PPFIBP2: variants seen among roughly 807,000 people sequenced by gnomAD.
The protein encoded by PPFIBP2 is PPFIB scaffold protein 2.
Under a neutral mutation model 118.3 loss-of-function variants are expected in PPFIBP2, and 118 were observed. The ratio of observed to expected loss-of-function variants is 1.00; its 90% CI spans 0.86 to 1.16. The LOEUF is 1.16. Ranked by LOEUF, PPFIBP2 falls within the 50% of genes most tolerant of loss-of-function variation. The pLI, the probability that PPFIBP2 is intolerant of heterozygous loss-of-function variation, is 0.00. For missense variants in PPFIBP2, 1,195 were observed against 1,073.1 expected (o/e 1.11, Z -1.59); for synonymous variants, 414 against 397.4 (o/e 1.04, Z -0.50).
chr11:7,652,824 G>T (rs1423290230), intron 23 of PPFIBP2, among the ~76,000 whole-genome samples, 200 bp from the exon 24 acceptor site: 1 of 152,176 alleles, frequency 6.6e-6, no homozygotes, highest in Non-Finnish European at 1.5e-5. Context: ...AGCTCTTATT[G>T]TTCAAGATTA....
At chr11:7,559,507 G>T (rs1310651425) in intron 2 of PPFIBP2, among the ~76,000 whole-genome samples, 1 of 152,082 alleles carries the variant, frequency 6.6e-6, no homozygotes, top group Non-Finnish European at 1.5e-5. Flanking sequence ...TCTGGTTTGG[G>T]ATTTCGGTAG....
intron 7 of PPFIBP2, among the ~76,000 whole-genome samples, chr11:7,624,699 A>T (rs1426352771): frequency 2.0e-5 from 3 of 152,258 alleles, no homozygotes; most frequent in Admixed American, 1.3e-4. Context: ...ATTATCCACA[A>T]AGAAAAGAAT....
At chr11:7,545,144 C>G (rs1254507949) in intron 1 of PPFIBP2, among the ~76,000 whole-genome samples, 2 of 151,968 alleles carry the variant, frequency 1.3e-5, no homozygotes, top group African/African-American at 2.4e-5. Flanking sequence ...TTGAAAGAGA[C>G]AGGGCCAGGC....
downstream of PPFIBP2, among the ~76,000 whole-genome samples, chr11:7,657,297 T>C (rs1854767696): frequency 6.6e-6 from 1 of 152,220 alleles, no homozygotes; most frequent in East Asian, 1.9e-4. Context: ...TTCTTGGGAC[T>C]GTGGCTGGGC....
intron 3 of PPFIBP2, among the ~76,000 whole-genome samples, chr11:7,568,219 T>C (rs1235863401): frequency 6.6e-6 from 1 of 152,218 alleles, no homozygotes; most frequent in Non-Finnish European, 1.5e-5. Flanking sequence ...AATAACAAGA[T>C]AGACCACTAA....
At chr11:7,608,766 T>C (rs373897244) in intron 5 of PPFIBP2, among the ~76,000 whole-genome samples, 7 of 152,276 alleles carry the variant, frequency 4.6e-5, no homozygotes, top group Non-Finnish European at 8.8e-5. Context: ...TAATATTTAT[T>C]GCCAACTCAT....
At chr11:7,636,140 C>T (rs1851421567) in intron 14 of PPFIBP2, among the ~76,000 whole-genome samples, 1 of 152,100 alleles carries the variant, frequency 6.6e-6, no homozygotes, top group African/African-American at 2.4e-5. Context: ...TCAGCCACAC[C>T]CAACCACCAT....
intron 2 of PPFIBP2, among the ~76,000 whole-genome samples, chr11:7,563,557 G>A (rs753379948): frequency 5.7e-4 from 86 of 152,120 alleles, no homozygotes; most frequent in Non-Finnish European, 1.1e-3. Flanking sequence ...CAAGGAGGAG[G>A]TTGGCTCTGA....
At chr11:7,666,663 T>G in the PPFIBP2 span, 4 of 657,112 alleles carry the variant, frequency 6.1e-6, no homozygotes, top group South Asian at 2.0e-5. Context: ...CCAGCTGGAG[T>G]GCTCGCTGCC....
the PPFIBP2 span, chr11:7,666,250 C>G: frequency 2.0e-5 from 12 of 595,164 alleles, no homozygotes; most frequent in South Asian, 2.5e-4. Flanking sequence ...GACACCTGCT[C>G]TCGATTGCCC....
chr11:7,657,645 C>T (rs7129067), downstream of PPFIBP2, among the ~76,000 whole-genome samples: 10,485 of 152,222 alleles, frequency 0.069, 1,057 homozygotes, highest in African/African-American at 0.22. Context: ...TCCTTCCTCC[C>T]TCCAGGCGTC....
At chr11:7,630,815 T>C in intron 10 of PPFIBP2, 110 bp from the exon 11 acceptor site, 1 of 803,890 alleles carries the variant, frequency 1.2e-6, no homozygotes, top group Non-Finnish European at 2.1e-6. Context: ...CCTTTATATA[T>C]TTCTTAGTCC....
At chr11:7,537,323 A>C (rs1851314008) in intron 1 of PPFIBP2, among the ~76,000 whole-genome samples, 1 of 152,152 alleles carries the variant, frequency 6.6e-6, no homozygotes. Flanking sequence ...GAAAACAAAA[A>C]TGAGGACACT....
intron 3 of PPFIBP2, among the ~76,000 whole-genome samples, chr11:7,590,140 A>G (rs565617078): frequency 1.2e-4 from 18 of 152,292 alleles, no homozygotes; most frequent in East Asian, 1.9e-4. Flanking sequence ...CAGCAAGACA[A>G]TCCTCTTCTT....
At chr11:7,559,317 T>C (rs1016586789) in intron 2 of PPFIBP2, among the ~76,000 whole-genome samples, 2 of 152,174 alleles carry the variant, frequency 1.3e-5, no homozygotes, top group African/African-American at 4.8e-5. Context: ...CACACATTTT[T>C]TTTATTTGTT....
chr11:7,603,002 TCA>T (rs1590513281), intron 5 of PPFIBP2, among the ~76,000 whole-genome samples: 1 of 152,214 alleles, frequency 6.6e-6, no homozygotes, highest in Non-Finnish European at 1.5e-5. Context: ...GCATGAGCTA[TCA>T]CACAGTGAGT....
Position 7,625,868 on chromosome 11 carries a change from A to C in PPFIBP2, c.803A>C (p.His268Pro). Residue 268 changes from histidine (H) to proline (P), a missense_variant, in exon 8 of 24, where the codon CAC becomes CCC. Transcript: ENST00000299492. ...HSQLSRTAAL[H>P]SESHTERDQE... is the part of the protein sequence containing the mutation. ...CAGCTCTCCCGGACAGCAGCTCTCC[A>C]CAGTGAGAGTCACACAGAGAGAGGT... is the stretch of plus-strand genomic sequence containing the variant. The C allele has an allele frequency of 6.2e-7, 1 of 1,614,212 alleles. No individual in the cohort carries two copies. The highest frequency in any genetic ancestry group is 8.5e-7 in the Non-Finnish European group (1 of 1,180,004).
At chr11:7,665,696 G>A in the PPFIBP2 span, 1 of 1,138,374 alleles carries the variant, frequency 8.8e-7, no homozygotes, top group Admixed American at 2.6e-5. Context: ...CCTGCAAAAA[G>A]CCTCAGAACT....
At chr11:7,594,150 CCTTA>C (rs10587992) in intron 4 of PPFIBP2, among the ~76,000 whole-genome samples, 4,308 of 152,118 alleles carry the variant, frequency 0.028, 207 homozygotes, top group African/African-American at 0.098. Context: ...TCTCTTTTTA[CCTTA>C]CTTATTTTAC....
Sources: gnomAD v4.1 joint callset for allele counts (sites outside exome capture counted in the v4.1 genomes callset) on GRCh38, gnomAD v4.1.1 for gene constraint, MANE v1.5 for transcripts, NCBI Gene and HGNC (gene_info 2026-07-23, HGNC 2026-07-21) for gene names.